Variants in CDK14 observed in about 807,000 individuals in gnomAD.
CDK14 encodes cyclin-dependent kinase 14.
Under a neutral mutation model 60.7 loss-of-function variants are expected in CDK14, and 34 were observed. That is an observed-to-expected ratio of 0.56 (90% CI 0.43 to 0.75). The LOEUF (loss-of-function observed/expected upper bound fraction) is 0.75, where lower values mean the gene tolerates loss of function less well. Among genes scored for constraint, CDK14 ranks in the 30% least tolerant of loss-of-function variants. The pLI is 0.00. For synonymous variants in CDK14, 197 were observed against 203.7 expected, an observed-to-expected ratio of 0.97 and a Z score of 0.28; for missense variants, 482 against 564.1, an observed-to-expected ratio of 0.85 and a Z score of 1.47.
chr7:90,895,303 A>ATTCTTTGCTC (rs1792259479), intron 6 of CDK14, among the ~76,000 whole-genome samples: 1 of 78,596 alleles, frequency 1.3e-5, no homozygotes, highest in Non-Finnish European at 2.8e-5. Context: ...CACTTTTCCC[A>ATTCTTTGCTC]TTCTTTCCTC....
intron 2 of CDK14, among the ~76,000 whole-genome samples, chr7:90,676,527 ATTTTTTTTTTT>A (rs60056655): frequency 1.4e-5 from 2 of 142,038 alleles, no homozygotes; most frequent in Non-Finnish European, 3.1e-5. Context: ...TAGATGTTTC[ATTTTTTTTTTT>A]TTTTTTTTTT....
At chr7:90,607,766 A>G (rs11983562) in intron 2 of CDK14, among the ~76,000 whole-genome samples, 2,781 of 152,300 alleles carry the variant, frequency 0.018, 81 homozygotes, top group African/African-American at 0.063. Context: ...ACATTCTATG[A>G]ATGATCATTT....
chr7:91,081,832 T>C (rs553292368), intron 12 of CDK14, among the ~76,000 whole-genome samples: 1 of 151,944 alleles, frequency 6.6e-6, no homozygotes, highest in Non-Finnish European at 1.5e-5. Flanking sequence ...ATCCAACAGA[T>C]ATCCAAATTC....
At chr7:90,622,107 G>T (rs936778291) in intron 2 of CDK14, among the ~76,000 whole-genome samples, 5 of 152,220 alleles carry the variant, frequency 3.3e-5, no homozygotes, top group African/African-American at 9.6e-5. Flanking sequence ...ATTGAGAAAC[G>T]AAGTACAATG....
At chr7:91,049,197 A>G (rs1797322762) in intron 11 of CDK14, among the ~76,000 whole-genome samples, 1 of 152,132 alleles carries the variant, frequency 6.6e-6, no homozygotes. Context: ...CTTTATATTT[A>G]AGGGAAATTA....
intron 10 of CDK14, among the ~76,000 whole-genome samples, chr7:91,017,834 G>A (rs1421852672): frequency 6.6e-6 from 1 of 152,140 alleles, no homozygotes; most frequent in Non-Finnish European, 1.5e-5. Flanking sequence ...GAATTACAGG[G>A]CCACTAGGGT....
At chr7:90,940,349 A>C (rs1050182301) in intron 8 of CDK14, among the ~76,000 whole-genome samples, 4 of 152,154 alleles carry the variant, frequency 2.6e-5, no homozygotes, top group East Asian at 1.9e-4. Context: ...ATATTAGTAC[A>C]TAGCGATTTA....
chr7:91,123,179 A>G (rs1799835519), intron 14 of CDK14, among the ~76,000 whole-genome samples: 1 of 152,204 alleles, frequency 6.6e-6, no homozygotes. Flanking sequence ...TTTCTCAACT[A>G]TAGACACAAA....
rs547872828 is a variant in CDK14, at chr7:91,188,542, A to AGATG, written c.*29-18603_*29-18600dup. On this transcript the variant is annotated intron_variant, in intron 14 of 14. Coordinates refer to ENST00000380050, the MANE Select transcript of CDK14 (RefSeq NM_001287135.2). The stretch of plus-strand genomic sequence containing the variant: ...CAGGGCCAAAGTGTAGTATATGTGT[A>AGATG]GATGGATGGATGGATGGATGGATAC... Among the ~76,000 whole-genome samples, 349 of 152,272 alleles carry AGATG rather than the reference A, an allele frequency of 2.3e-3. 5 individuals are homozygous for AGATG. Among genetic ancestry groups the AGATG allele is most frequent in the East Asian group, 5.8e-3 (30 of 5,186 alleles).
chr7:91,168,813 A>G (rs746224819), intron 14 of CDK14, among the ~76,000 whole-genome samples: 1 of 152,202 alleles, frequency 6.6e-6, no homozygotes, highest in Non-Finnish European at 1.5e-5. Flanking sequence ...TATTATTTTC[A>G]ATTCACAAAT....
intron 6 of CDK14, among the ~76,000 whole-genome samples, chr7:90,866,233 T>TAAACACAC (rs1554358738): frequency 1.0e-4 from 14 of 140,292 alleles, no homozygotes; most frequent in Non-Finnish European, 1.7e-4. Flanking sequence ...CACATACACA[T>TAAACACAC]ACACACACAC....
chr7:90,920,249 AAGAGCTTTAAAAATGGTTTCTTTGTC>A (rs2117429844), intron 8 of CDK14, among the ~76,000 whole-genome samples: 1 of 152,338 alleles, frequency 6.6e-6, no homozygotes, highest in Admixed American at 6.5e-5. Context: ...TTGATGTGTG[AAGAGCTTTAAAAATGGTTTCTTTGTC>A]TTACCTTTTT....
chr7:90,778,964 C>T (rs1035287052), intron 4 of CDK14, among the ~76,000 whole-genome samples: 6 of 150,536 alleles, frequency 4.0e-5, no homozygotes, highest in Middle Eastern at 3.4e-3. Context: ...TTTTTTAAGA[C>T]ATGGGCAACT....
chr7:91,137,318 GTGTT>G (rs1312273833), intron 14 of CDK14, among the ~76,000 whole-genome samples: 1 of 152,114 alleles, frequency 6.6e-6, no homozygotes, highest in Non-Finnish European at 1.5e-5. Flanking sequence ...GCACAGTGCT[GTGTT>G]CTCTTTCCCA....
chr7:91,074,552 G>C (rs1464070465), intron 11 of CDK14, among the ~76,000 whole-genome samples: 2 of 152,128 alleles, frequency 1.3e-5, no homozygotes, highest in Non-Finnish European at 2.9e-5. Context: ...AAGTTAGAAA[G>C]AGCTCAAATC....
At chr7:91,120,659 C>CAG (rs1799753697) in intron 14 of CDK14, among the ~76,000 whole-genome samples, 2 of 151,996 alleles carry the variant, frequency 1.3e-5, no homozygotes, top group East Asian at 1.9e-4. Flanking sequence ...GCCTCAGCCT[C>CAG]CCAAGTAGCT....
intron 8 of CDK14, among the ~76,000 whole-genome samples, chr7:90,955,342 G>A (rs1313028051): frequency 6.6e-6 from 1 of 152,048 alleles, no homozygotes; most frequent in Non-Finnish European, 1.5e-5. Context: ...TTTTTTCTCA[G>A]TTATTTGACC....
At chr7:90,981,708 C>G (rs770290049) in intron 9 of CDK14, among the ~76,000 whole-genome samples, 2 of 151,960 alleles carry the variant, frequency 1.3e-5, no homozygotes, top group African/African-American at 4.8e-5. Flanking sequence ...CCAATATGTT[C>G]GTGGTTTTAT....
chr7:90,748,734 C>T lies in CDK14; in HGVS notation c.464+959C>T, dbSNP rs575173710. 2.0e-3 allele frequency among the ~76,000 whole-genome samples: 309 copies of T among 152,214 alleles called. 13 individuals carry two copies. Among genetic ancestry groups the T allele is most frequent in the Non-Finnish European group, 1.2e-3 (81 of 68,008 alleles). ...AGTAACTGGGACTACAAGCCCATGC[C>T]ATCATGTCTGGCTATTTTTTTTAAA... On this transcript the variant is annotated intron_variant, in intron 4 of 14. Transcript: ENST00000380050.
Sources: gnomAD v4.1 joint callset for allele counts (sites outside exome capture counted in the v4.1 genomes callset) on GRCh38, gnomAD v4.1.1 for gene constraint, MANE v1.5 for transcripts, NCBI Gene and HGNC (gene_info 2026-07-23, HGNC 2026-07-21) for gene names.